The following OPCML variants were observed in gnomAD, a reference collection of about 807,000 sequenced individuals.
OPCML encodes opioid-binding protein/cell adhesion molecule.
Under a neutral mutation model 37.8 loss-of-function variants are expected in OPCML, and 13 were observed. That is an observed-to-expected ratio of 0.34 (90% CI 0.22 to 0.55). OPCML has a LOEUF of 0.55. Among genes scored for constraint, OPCML ranks in the 20% least tolerant of loss-of-function variants. OPCML has a pLI of 0.91. For missense variants in OPCML, 341 were observed against 435.6 expected (o/e 0.78, Z 1.93); for synonymous variants, 176 against 168.8 (o/e 1.04, Z -0.33).
At chr11:132,739,229 G>T (rs558785755) in intron 2 of OPCML, among the ~76,000 whole-genome samples, 1 of 152,144 alleles carries the variant, frequency 6.6e-6, no homozygotes, top group African/African-American at 2.4e-5. Context: ...TACATTTATT[G>T]TTCTTTGTTA....
rs1363682518 is a variant in OPCML at position 132,815,717 on chromosome 11, TG to T, written c.146+127208del. Reference sequence around the variant, plus strand: ...CCCAAAGGAGGACATGGGGTTGAGATGGTTTTAAAATTCTTATTCATTGATT... The same window carrying T: ...CCCAAAGGAGGACATGGGGTTGAGATGTTTTAAAATTCTTATTCATTGATT... On this transcript the variant is annotated intron_variant, in intron 2 of 7. Transcript: ENST00000524381. Among the ~76,000 whole-genome samples, 13 of 152,180 alleles carry T rather than the reference TG, an allele frequency of 8.5e-5. 1 individual carries two copies. In the East Asian group the frequency reaches 2.5e-3, roughly 29 times the overall value.
intron 1 of OPCML, among the ~76,000 whole-genome samples, chr11:133,089,130 T>C (rs1948865214): frequency 6.6e-6 from 1 of 152,220 alleles, no homozygotes. Context: ...AAGGAGCAGC[T>C]GATCTTGAGC....
intron 4 of OPCML, among the ~76,000 whole-genome samples, chr11:132,471,302 C>T (rs571882481): frequency 6.6e-6 from 1 of 152,184 alleles, no homozygotes; most frequent in Non-Finnish European, 1.5e-5. Context: ...TAGTCATCTG[C>T]TCTTCAGGTA....
At chr11:132,490,815 A>G (rs1401559822) in intron 4 of OPCML, among the ~76,000 whole-genome samples, 1 of 150,352 alleles carries the variant, frequency 6.7e-6, no homozygotes, top group African/African-American at 2.5e-5. Flanking sequence ...TATCTCAAAA[A>G]AAAAGAAAAA....
intron 1 of OPCML, chr11:133,418,249 G>C (rs1373754542): frequency 1.0e-6 from 1 of 985,370 alleles, no homozygotes; most frequent in Non-Finnish European, 1.2e-6. Context: ...AGAAGGCCAA[G>C]TACAAGGTCA....
chr11:132,766,258 C>G (rs763975348), intron 2 of OPCML, among the ~76,000 whole-genome samples: 3 of 152,154 alleles, frequency 2.0e-5, no homozygotes, highest in Non-Finnish European at 4.4e-5. Flanking sequence ...TTATCAAAGG[C>G]TGCTACACAG....
chr11:133,064,124 G>A lies in OPCML; in HGVS notation c.62-121114C>T, dbSNP rs1948398295. On this transcript the variant is annotated intron_variant, in intron 1 of 7. Coordinates refer to ENST00000524381, the MANE Select transcript of OPCML (RefSeq NM_001012393.5). ...GGTGAAGGGGGCTGACCAAAGGAAG[G>A]AGGTGGCGCTGATCCAGAGGAGGCT... 2.0e-5 allele frequency among the ~76,000 whole-genome samples: 3 copies of A among 152,314 alleles called. No homozygotes were observed. The South Asian group carries it at 6.2e-4, about 32-fold the overall frequency.
At chr11:132,916,464 G>A (rs772646057) in intron 2 of OPCML, among the ~76,000 whole-genome samples, 1 of 152,178 alleles carries the variant, frequency 6.6e-6, no homozygotes, top group African/African-American at 2.4e-5. Context: ...ATTCCCATTA[G>A]AGTTGTCAAG....
rs75527235 is a variant in OPCML, at chr11:132,651,880, G to C, written c.379+5207C>G. On this transcript the variant is annotated intron_variant, in intron 3 of 7. Transcript: ENST00000524381. ...CTTTGCATAAAATTGGGCTTAGCAAGAGGAGTTCATTCCATAAAAGGAAGT... is the reference window on the plus strand; with the variant it reads ...CTTTGCATAAAATTGGGCTTAGCAACAGGAGTTCATTCCATAAAAGGAAGT... Among the ~76,000 whole-genome samples the C allele has an allele frequency of 5.3e-5, 8 of 152,144 alleles. No individual in the cohort carries two copies. The South Asian group carries it at 1.7e-3, about 32-fold the overall frequency.
intron 1 of OPCML, among the ~76,000 whole-genome samples, chr11:133,514,617 A>G (rs555982156): frequency 1.3e-5 from 2 of 152,168 alleles, no homozygotes; most frequent in Admixed American, 6.5e-5. Context: ...TCACTTTTTT[A>G]TGGTAGGAGA....
intron 1 of OPCML, chr11:133,005,721 GTTAA>G: frequency 4.1e-6 from 4 of 977,090 alleles, no homozygotes; most frequent in South Asian, 9.5e-5. Flanking sequence ...TATCTTTTCT[GTTAA>G]TTCTTTTTAA....
intron 2 of OPCML, among the ~76,000 whole-genome samples, chr11:132,794,739 T>C (rs1440483647): frequency 1.6e-4 from 24 of 152,196 alleles, no homozygotes; most frequent in Admixed American, 1.6e-3. Flanking sequence ...GTGACTACCA[T>C]ATCCTTTCTA....
At chr11:132,683,137 G>C (rs578261256) in intron 2 of OPCML, among the ~76,000 whole-genome samples, 2 of 152,124 alleles carry the variant, frequency 1.3e-5, no homozygotes, top group Non-Finnish European at 2.9e-5. Flanking sequence ...AAGCAAGACC[G>C]AGTGTGGTGG....
chr11:132,436,568 T>A, intron 6 of OPCML, 91 bp downstream of exon 6: 1 of 1,561,062 alleles, frequency 6.4e-7, no homozygotes, highest in Non-Finnish European at 8.7e-7. Context: ...TTGCCTTATC[T>A]TTCCCCTTTT....
Position 132,712,711 on chromosome 11 carries a change from G to A in OPCML, c.147-55392C>T, listed in dbSNP as rs569006218. ...TGAGCTGCCGCTTCCCACTCAGCAT[G>A]AAATCGGACCCACCAAAAAGCAATT... On this transcript the variant is annotated intron_variant, in intron 2 of 7. Coordinates refer to ENST00000524381, the MANE Select transcript of OPCML (RefSeq NM_001012393.5). Among the ~76,000 whole-genome samples, 15 of 152,310 alleles carry A rather than the reference G, an allele frequency of 9.8e-5. No individual in the cohort carries two copies. In the South Asian group the frequency reaches 2.9e-3, roughly 29 times the overall value.
At chr11:132,781,330 TGAG>T (rs1238478866) in intron 2 of OPCML, among the ~76,000 whole-genome samples, 1 of 151,966 alleles carries the variant, frequency 6.6e-6, no homozygotes, top group East Asian at 2.0e-4. Flanking sequence ...GAACTGAGTA[TGAG>T]AAGACTTCTC....
rs139631180 is a variant in OPCML, at chr11:133,308,309, G to GT, written c.61+223954dup. Among the ~76,000 whole-genome samples, 1,458 of 151,282 alleles carry GT rather than the reference G, an allele frequency of 9.6e-3. 18 individuals are homozygous for GT. Among genetic ancestry groups the GT allele is most frequent in the African/African-American group, 0.034 (1,393 of 41,236 alleles). On this transcript the variant is annotated intron_variant, in intron 1 of 7. Coordinates refer to ENST00000524381, the MANE Select transcript of OPCML (RefSeq NM_001012393.5). ...AACTGTACACCAACATTGTACTTTA[G>GT]TTTTTTTTTCCTTATAGGATTAAGG...
chr11:133,244,708 C>T (rs894932797), intron 1 of OPCML, among the ~76,000 whole-genome samples: 2 of 151,778 alleles, frequency 1.3e-5, no homozygotes, highest in Non-Finnish European at 2.9e-5. Flanking sequence ...CTCACTCTCT[C>T]TCTCCTGCTC....
At chr11:132,891,810 G>A (rs984623156) in intron 2 of OPCML, among the ~76,000 whole-genome samples, 1 of 152,200 alleles carries the variant, frequency 6.6e-6, no homozygotes, top group Non-Finnish European at 1.5e-5. Context: ...TCAGCTGCAT[G>A]AAAGAAATTC....
Sources: allele counts gnomAD v4.1 joint callset (sites outside exome capture counted in the v4.1 genomes callset), GRCh38; gene constraint gnomAD v4.1.1; transcripts MANE v1.5; gene names NCBI Gene and HGNC (gene_info 2026-07-23, HGNC 2026-07-21).